AUTS2: variants seen among roughly 807,000 people sequenced by gnomAD.
The protein encoded by AUTS2 is autism susceptibility gene 2 protein.
In AUTS2, 17 loss-of-function variants were observed where a neutral mutation model predicts 112.4. The observed-to-expected ratio is 0.15, with a 90% CI of 0.10 to 0.23. The LOEUF (loss-of-function observed/expected upper bound fraction) is 0.23. Among genes scored for constraint, AUTS2 ranks in the 10% least tolerant of loss-of-function variants. The pLI, the probability that AUTS2 is intolerant of heterozygous loss-of-function variation, is 1.00. For missense variants in AUTS2, 1,510 were observed against 1,701.6 expected (o/e 0.89, Z 1.98); for synonymous variants, 751 against 702.7 (o/e 1.07, Z -1.09).
At position 70,627,316 on chromosome 7, in the gene AUTS2, T is replaced by G. The variant is rs111668027; in HGVS notation, c.691-71253T>G. The stretch of plus-strand genomic sequence containing the variant: ...TATGTCTTCTTTTGAAAAGTGTCTG[T>G]GTGTTTTACCCATTTTTAATGGGGT... On this transcript the variant is annotated intron_variant, in intron 5 of 18. Coordinates refer to ENST00000342771, the MANE Select transcript of AUTS2 (RefSeq NM_015570.4). 3.2e-4 allele frequency among the ~76,000 whole-genome samples: 48 copies of G among 152,324 alleles called. 1 individual carries two copies. The East Asian group carries it at 8.9e-3, about 28-fold the overall frequency.
At chr7:69,897,728 A>G (rs923393670) in intron 1 of AUTS2, among the ~76,000 whole-genome samples, 4 of 152,116 alleles carry the variant, frequency 2.6e-5, no homozygotes, top group Non-Finnish European at 5.9e-5. Context: ...TTGCACTCCA[A>G]CCTGGGCAAC....
chr7:70,379,220 G>A (rs1338273454), intron 4 of AUTS2, among the ~76,000 whole-genome samples: 1 of 152,022 alleles, frequency 6.6e-6, no homozygotes, highest in Non-Finnish European at 1.5e-5. Flanking sequence ...TATTATTAGG[G>A]CGGGCACGGT....
At chr7:70,510,894 G>T (rs901042843) in intron 5 of AUTS2, among the ~76,000 whole-genome samples, 2 of 151,760 alleles carry the variant, frequency 1.3e-5, no homozygotes, top group Non-Finnish European at 2.9e-5. Flanking sequence ...TGTCACCCAG[G>T]CTGGAGTGCG....
chr7:70,096,702 CAG>C (rs1285529408), intron 2 of AUTS2, among the ~76,000 whole-genome samples: 1 of 149,236 alleles, frequency 6.7e-6, no homozygotes, highest in Non-Finnish European at 1.5e-5. Context: ...ATCAGATTTA[CAG>C]AGAGAATAAA....
intron 1 of AUTS2, among the ~76,000 whole-genome samples, chr7:69,614,831 G>T (rs1054531326): frequency 2.6e-5 from 4 of 152,086 alleles, no homozygotes; most frequent in African/African-American, 9.7e-5. Flanking sequence ...GAATCACCAT[G>T]CTCTGAGACA....
At chr7:70,248,411 A>T (rs1449033039) in intron 4 of AUTS2, among the ~76,000 whole-genome samples, 1 of 152,186 alleles carries the variant, frequency 6.6e-6, no homozygotes, top group Non-Finnish European at 1.5e-5. Context: ...GGCATGAGCC[A>T]CCGTGCCCAG....
chr7:70,183,735 C>G (rs1012087677), intron 4 of AUTS2, among the ~76,000 whole-genome samples: 3 of 152,074 alleles, frequency 2.0e-5, no homozygotes, highest in African/African-American at 2.4e-5. Flanking sequence ...CTGGACTGGG[C>G]CATTTCACTC....
Position 70,764,919 on chromosome 7 carries a change from C to G in AUTS2, c.1382C>G (p.Ala461Gly), listed in dbSNP as rs746046031. 4 of 1,597,888 alleles carry G rather than the reference C, an allele frequency of 2.5e-6. No homozygotes were observed. The highest frequency in any genetic ancestry group is 3.4e-5 in the Admixed American group (2 of 58,388). The change falls in exon 8 of 19, where the codon GCC becomes GGC. Residue 461 changes from alanine to glycine, a missense_variant. Physicochemically the swap from Ala to Gly is moderately conservative, Grantham distance 60 (BLOSUM62 0). This residue lies in a region of AUTS2 where 535 missense variants were observed against 594.3 expected (regional missense o/e 0.90). Coordinates refer to ENST00000342771, the MANE Select transcript of AUTS2 (RefSeq NM_015570.4). ...PAHSHHPNMF[A>G]PPTALPPPPP... is the part of the protein sequence containing the mutation. Reference sequence around the variant, plus strand: ...CACTCACATCACCCCAATATGTTTGCCCCTCCCACTGCTCTGCCTCCTCCA... The same window carrying G: ...CACTCACATCACCCCAATATGTTTGGCCCTCCCACTGCTCTGCCTCCTCCA...
At chr7:69,861,812 G>A (rs1792997885) in intron 1 of AUTS2, among the ~76,000 whole-genome samples, 1 of 152,168 alleles carries the variant, frequency 6.6e-6, no homozygotes, top group Admixed American at 6.5e-5. Flanking sequence ...GAAGATAGGG[G>A]ATAGGTGACC....
rs189045651 is a variant in AUTS2, at chr7:69,890,155, A to T, written c.310-9131A>T. On this transcript the variant is annotated intron_variant, in intron 1 of 18. Transcript: ENST00000342771. The stretch of plus-strand genomic sequence containing the variant: ...AAGCAATAGCATCTGGTTGCCAGGG[A>T]CTCAACTACTTTGAGCGTGTTAAGG... 2.1e-3 allele frequency among the ~76,000 whole-genome samples: 313 copies of T among 152,190 alleles called. 4 individuals are homozygous for T. The highest frequency in any genetic ancestry group is 1.3e-3 in the Non-Finnish European group (86 of 68,006).
At chr7:70,569,578 C>T (rs771726081) in intron 5 of AUTS2, among the ~76,000 whole-genome samples, 2 of 152,224 alleles carry the variant, frequency 1.3e-5, no homozygotes, top group Non-Finnish European at 2.9e-5. Context: ...TTTTGACACA[C>T]TGTCCCAGTA....
At position 69,792,003 on chromosome 7, in the gene AUTS2, C is replaced by T. The variant is rs116464862; in HGVS notation, c.310-107283C>T. On this transcript the variant is annotated intron_variant, in intron 1 of 18. Transcript: ENST00000342771. ...TGGGGAAGGTGTTGGTGGTGGCTGT[C>T]GATAGGCATTCCTGCAGGATGGTGG... Among the ~76,000 whole-genome samples the T allele has an allele frequency of 4.1e-3, 630 of 151,998 alleles. 7 individuals carry two copies. Among genetic ancestry groups the T allele is most frequent in the East Asian group, 0.012 (64 of 5,170 alleles).
At chr7:70,665,327 G>A (rs1233878553) in intron 5 of AUTS2, among the ~76,000 whole-genome samples, 2 of 151,914 alleles carry the variant, frequency 1.3e-5, no homozygotes, top group Admixed American at 6.6e-5. Context: ...GCAGTGGTGT[G>A]ATCATGGCTC....
intron 1 of AUTS2, among the ~76,000 whole-genome samples, chr7:69,881,733 C>G (rs1794055592): frequency 6.6e-6 from 1 of 152,156 alleles, no homozygotes; most frequent in Non-Finnish European, 1.5e-5. Flanking sequence ...TGTCTCAGAA[C>G]TTTCTCTTAT....
At chr7:69,758,341 C>T (rs1273607392) in intron 1 of AUTS2, among the ~76,000 whole-genome samples, 1 of 152,180 alleles carries the variant, frequency 6.6e-6, no homozygotes, top group Non-Finnish European at 1.5e-5. Flanking sequence ...AGTTTTCTTA[C>T]TGTTGCATTC....
At chr7:70,493,131 G>C (rs1798315179) in intron 5 of AUTS2, among the ~76,000 whole-genome samples, 1 of 152,084 alleles carries the variant, frequency 6.6e-6, no homozygotes, top group Non-Finnish European at 1.5e-5. Context: ...TATATGCTCA[G>C]GACCAAAAAT....
At chr7:69,910,486 G>A (rs1426124373) in intron 2 of AUTS2, among the ~76,000 whole-genome samples, 1 of 152,194 alleles carries the variant, frequency 6.6e-6, no homozygotes, top group African/African-American at 2.4e-5. Flanking sequence ...AAAAAAAGAG[G>A]TTTAATGGAC....
chr7:70,485,680 CAT>C (rs139980488), intron 5 of AUTS2, among the ~76,000 whole-genome samples: 3,785 of 152,246 alleles, frequency 0.025, 151 homozygotes, highest in African/African-American at 0.082. Flanking sequence ...TCACGAGACT[CAT>C]ATGTGTGTTT....
rs144534001 is a variant in AUTS2, at chr7:69,690,937, G to T, written c.309+90975G>T. 3.3e-3 allele frequency among the ~76,000 whole-genome samples: 498 copies of T among 152,324 alleles called. 3 individuals are homozygous for T. The highest frequency in any genetic ancestry group is 0.011 in the African/African-American group (472 of 41,568). On this transcript the variant is annotated intron_variant, in intron 1 of 18. Coordinates refer to ENST00000342771, the MANE Select transcript of AUTS2 (RefSeq NM_015570.4). ...CAGAAGAGCTCTTAGGAGATCAGAA[G>T]TGGGTAGCTCCCTTCCACAGCAGGT...
Sources: gnomAD v4.1 joint callset for allele counts (sites outside exome capture counted in the v4.1 genomes callset) on GRCh38, gnomAD v4.1.1 for gene constraint, gnomAD v4.1.1 regional missense constraint, MANE v1.5 for transcripts, NCBI Gene and HGNC (gene_info 2026-07-23, HGNC 2026-07-21) for gene names.